The following TMEM181 variants were observed in gnomAD, a reference collection of about 807,000 sequenced individuals.
TMEM181 encodes the protein G protein-coupled receptor 178.
Under a neutral mutation model 71.9 loss-of-function variants are expected in TMEM181, and 39 were observed. The observed-to-expected ratio is 0.54, with a 90% CI of 0.42 to 0.71. The LOEUF (loss-of-function observed/expected upper bound fraction) is 0.71. Ranked by LOEUF, TMEM181 falls within the 30% of genes least tolerant of loss-of-function variation. TMEM181 has a pLI of 0.00. For synonymous variants in TMEM181, 245 were observed against 228.8 expected (o/e 1.07, Z -0.64); for missense variants, 595 against 583.0 (o/e 1.02, Z -0.21).
At chr6:158,538,039 C>T (rs551950827) in intron 1 of TMEM181, among the ~76,000 whole-genome samples, 5 of 152,142 alleles carry the variant, frequency 3.3e-5, no homozygotes, top group Middle Eastern at 3.4e-3. Context: ...CCTGGAAGAC[C>T]TGAGGGTATG....
chr6:158,619,893 GGAT>G, intron 10 of TMEM181, among the ~76,000 whole-genome samples: 9 of 147,020 alleles, frequency 6.1e-5, no homozygotes, highest in Admixed American at 6.8e-5. Flanking sequence ...AAAAAAAGGA[GGAT>G]GTCATGAGGG....
intron 1 of TMEM181, among the ~76,000 whole-genome samples, chr6:158,543,916 C>T (rs1349966686): frequency 1.3e-5 from 2 of 152,158 alleles, no homozygotes; most frequent in African/African-American, 4.8e-5. Flanking sequence ...CCAATATTTT[C>T]TAAGCGTAGC....
chr6:158,596,588 C>G (rs1250974869), intron 6 of TMEM181, among the ~76,000 whole-genome samples: 1 of 152,170 alleles, frequency 6.6e-6, no homozygotes, highest in Non-Finnish European at 1.5e-5. Context: ...TGATGACAAT[C>G]AAATTCAGGG....
At chr6:158,627,950 A>G (rs1034047036) in intron 13 of TMEM181, among the ~76,000 whole-genome samples, 17 of 152,168 alleles carry the variant, frequency 1.1e-4, no homozygotes, top group African/African-American at 3.9e-4. Context: ...GCTGCTGTGC[A>G]AAGTCACTGG....
At chr6:158,628,596 C>A in intron 14 of TMEM181, 106 bp downstream of exon 14, 1 of 957,178 alleles carries the variant, frequency 1.0e-6, no homozygotes, top group Non-Finnish European at 1.6e-6. Flanking sequence ...CAGCTCCTCG[C>A]GCCCTGTTCT....
chr6:158,554,419 C>T (rs1453482687), intron 1 of TMEM181, among the ~76,000 whole-genome samples: 2 of 151,964 alleles, frequency 1.3e-5, no homozygotes, highest in East Asian at 3.9e-4. Flanking sequence ...GGGATTTTGC[C>T]ATGTTGGCCA....
At chr6:158,574,919 A>C (rs912278447) in intron 2 of TMEM181, among the ~76,000 whole-genome samples, 8 of 152,190 alleles carry the variant, frequency 5.3e-5, no homozygotes, top group South Asian at 4.1e-4. Flanking sequence ...GAACTAGGAG[A>C]GCTGATGGAG....
chr6:158,623,448 T>C (rs2128327532), intron 10 of TMEM181, 102 bp from the exon 11 acceptor site: 1 of 716,540 alleles, frequency 1.4e-6, no homozygotes, highest in Non-Finnish European at 2.2e-6. Context: ...GGAAGTAGTT[T>C]ATATTAATAA....
intron 14 of TMEM181, 51 bp from the exon 15 acceptor site, chr6:158,629,679 G>C (rs759449905): frequency 1.4e-6 from 2 of 1,466,728 alleles, no homozygotes; most frequent in South Asian, 2.6e-5. Context: ...TGTAGGCAGA[G>C]CCTCTGACTG....
intron 1 of TMEM181, among the ~76,000 whole-genome samples, chr6:158,564,473 G>A (rs564767444): frequency 9.2e-5 from 14 of 152,340 alleles, no homozygotes; most frequent in Non-Finnish European, 1.3e-4. Flanking sequence ...CCACCTCTGC[G>A]GCAGCCAGCT....
At chr6:158,611,457 T>G in intron 10 of TMEM181, 1 of 538,566 alleles carries the variant, frequency 1.9e-6, no homozygotes, top group South Asian at 1.4e-5. Flanking sequence ...TTTCTGGACC[T>G]TGTTGGGTTC....
In TMEM181 at chr6:158,573,444, G is replaced by A. The variant is rs1001169537; in HGVS notation, c.33G>A (p.Thr11=). Residue 11 remains threonine, a synonymous_variant, in exon 2 of 17, where the codon ACG becomes ACA. Coordinates refer to ENST00000684151, the MANE Select transcript of TMEM181 (RefSeq NM_001376852.1). Reference sequence around the variant, plus strand: ...GGCTGGCGCCCATGCGGCTCTACACGCTCTCCAAGCGCCACTTTGTCCTCG... The same window carrying A: ...GGCTGGCGCCCATGCGGCTCTACACACTCTCCAAGCGCCACTTTGTCCTCG... The part of the protein sequence containing the change: MEPLAPMRLY[T]LSKRHFVLVF... The A allele has an allele frequency of 1.9e-6, 3 of 1,594,722 alleles. No individual in the cohort carries two copies. The highest frequency in any genetic ancestry group is 1.1e-5 in the South Asian group (1 of 88,018).
chr6:158,612,565 T>C (rs1403501582), intron 10 of TMEM181, among the ~76,000 whole-genome samples: 2 of 152,256 alleles, frequency 1.3e-5, no homozygotes, highest in Admixed American at 1.3e-4. Flanking sequence ...ACCCATGGTA[T>C]GCTTTTTGTT....
chr6:158,571,815 A>G (rs1208358771), intron 1 of TMEM181, among the ~76,000 whole-genome samples: 3 of 152,198 alleles, frequency 2.0e-5, no homozygotes, highest in Non-Finnish European at 4.4e-5. Flanking sequence ...GGGCTGCAGC[A>G]TCTTGGGCAC....
At chr6:158,607,834 C>T (rs548730401) in intron 8 of TMEM181, among the ~76,000 whole-genome samples, 5 of 152,286 alleles carry the variant, frequency 3.3e-5, no homozygotes, top group South Asian at 2.1e-4. Context: ...AACAAATAGG[C>T]GGCTGTTCGG....
At chr6:158,550,864 C>G (rs1309070577) in intron 1 of TMEM181, among the ~76,000 whole-genome samples, 5 of 136,154 alleles carry the variant, frequency 3.7e-5, no homozygotes, top group Non-Finnish European at 1.5e-5. Context: ...AGCACTCCAG[C>G]CTGGGTGAGA....
chr6:158,608,612 C>T, intron 9 of TMEM181, 47 bp from the exon 10 acceptor site: 2 of 1,596,744 alleles, frequency 1.3e-6, no homozygotes, highest in South Asian at 1.1e-5. Context: ...TGTACAATTA[C>T]CAATTTGGTT....
intron 1 of TMEM181, among the ~76,000 whole-genome samples, chr6:158,549,265 G>T (rs551878393): frequency 6.6e-6 from 1 of 151,892 alleles, no homozygotes; most frequent in African/African-American, 2.4e-5. Context: ...CTACAGGTGC[G>T]CCACTATGCC....
Position 158,564,632 on chromosome 6 carries a change from A to C in TMEM181, c.8+4400A>C, listed in dbSNP as rs113096857. ...GAGTTCTTGCCACGCTGTTCTGACCACTATGTTTATGATTCCACCCGCACC... is the reference window on the plus strand; with the variant it reads ...GAGTTCTTGCCACGCTGTTCTGACCCCTATGTTTATGATTCCACCCGCACC... On this transcript the variant is annotated intron_variant, in intron 1 of 16. Coordinates refer to ENST00000684151, the MANE Select transcript of TMEM181 (RefSeq NM_001376852.1). Among the ~76,000 whole-genome samples the C allele has an allele frequency of 2.0e-3, 310 of 152,264 alleles. 2 individuals are homozygous for C. The highest frequency in any genetic ancestry group is 6.8e-3 in the African/African-American group (281 of 41,542).
Sources: gnomAD v4.1 joint callset for allele counts (sites outside exome capture counted in the v4.1 genomes callset) on GRCh38, gnomAD v4.1.1 for gene constraint, MANE v1.5 for transcripts, NCBI Gene and HGNC (gene_info 2026-07-23, HGNC 2026-07-21) for gene names.